Variants in DEFB123 observed in about 807,000 individuals in gnomAD.
DEFB123 encodes beta-defensin 123.
For synonymous variants in DEFB123, 22 were observed against 28.3 expected (o/e 0.78, Z 0.71); for missense variants, 71 against 75.0 (o/e 0.95, Z 0.20).
In DEFB123 at chr20:31,444,450, G is replaced by C. The variant is rs188826220; in HGVS notation, c.58+3694G>C. On this transcript the variant is annotated intron_variant, in intron 1 of 1. Transcript: ENST00000376309. ...TCACTCATTTATAGTTTTATCTCCA[G>C]TGTATAGGCCTCTCAGTCTATACAT... Among the ~76,000 whole-genome samples the C allele has an allele frequency of 3.5e-4, 53 of 152,226 alleles. 1 individual carries two copies. Among genetic ancestry groups the C allele is most frequent in the Non-Finnish European group, 5.0e-4 (34 of 68,016 alleles).
intron 1 of DEFB123, among the ~76,000 whole-genome samples, chr20:31,447,915 T>G (rs986089093): frequency 2.0e-5 from 3 of 150,162 alleles, no homozygotes; most frequent in Non-Finnish European, 4.4e-5. Context: ...GCCTACCAAG[T>G]AGCTGGGATT....
chr20:31,449,527 A>C (rs1343736640), intron 1 of DEFB123, among the ~76,000 whole-genome samples: 1 of 152,024 alleles, frequency 6.6e-6, no homozygotes, highest in East Asian at 1.9e-4. Context: ...TGTTCTGCTT[A>C]CTTCTTTTTG....
chr20:31,446,946 C>CAAA (rs61153733), intron 1 of DEFB123, among the ~76,000 whole-genome samples: 3 of 119,702 alleles, frequency 2.5e-5, no homozygotes, highest in Non-Finnish European at 3.6e-5. Flanking sequence ...GACTCCATCT[C>CAAA]AAAAAAAAAA....
At position 31,450,194 on chromosome 20, in the gene DEFB123, C is replaced by T. The variant is rs1438769253; in HGVS notation, c.*20C>T. On this transcript the variant is annotated 3_prime_UTR_variant, in exon 2 of 2. Transcript: ENST00000376309. ...TTTTAACTGCTTTGAAGCCTGAAGCCATGAAAATGCAGATGAAGCTCCCAG... is the reference window on the plus strand; with the variant it reads ...TTTTAACTGCTTTGAAGCCTGAAGCTATGAAAATGCAGATGAAGCTCCCAG... The T allele has an allele frequency of 1.3e-6, 2 of 1,588,074 alleles. No homozygotes were observed.
chr20:31,450,140 A>G lies in DEFB123; in HGVS notation c.170A>G (p.Lys57Arg), dbSNP rs937920203. 3 of 1,608,720 alleles carry G rather than the reference A, an allele frequency of 1.9e-6. No individual in the cohort carries two copies. The highest frequency in any genetic ancestry group is 1.7e-6 in the Non-Finnish European group (2 of 1,178,210). ...AATAAAATGTGCTGCGTGAAGCCCA[A>G]GTACCAGCCAAAAGAAAGGTGGTGG... Reference protein sequence around the residue: ...INNKMCCVKPKYQPKERWWPF With the variant: ...INNKMCCVKPRYQPKERWWPF Residue 57 changes from lysine (K) to arginine (R), a missense_variant, in exon 2 of 2, where the codon AAG becomes AGG. Coordinates refer to ENST00000376309, the MANE Select transcript of DEFB123 (RefSeq NM_153324.4).
chr20:31,449,976 G>T, intron 1 of DEFB123, 53 bp from the exon 2 acceptor site: 1 of 1,518,710 alleles, frequency 6.6e-7, no homozygotes, highest in South Asian at 1.3e-5. Flanking sequence ...TTTCAAATCC[G>T]GAGCCTACTT....
intron 1 of DEFB123, among the ~76,000 whole-genome samples, chr20:31,447,780 CTTTTT>C (rs34763122): frequency 1.6e-5 from 1 of 64,470 alleles, no homozygotes. Context: ...ACACACCCGG[CTTTTT>C]TTTTTTTTTT....
chr20:31,444,892 A>G (rs760861429), intron 1 of DEFB123, among the ~76,000 whole-genome samples: 7 of 152,198 alleles, frequency 4.6e-5, no homozygotes, highest in Non-Finnish European at 8.8e-5. Context: ...TGACTTTTAT[A>G]GCAATCAGTT....
Position 31,440,756 on chromosome 20 carries a change from G to A in DEFB123, c.58G>A (p.Gly20Ser), listed in dbSNP as rs780991334. ...VLLLLSQLTP[G>S]GTQRCWNLYG... is the part of the protein sequence containing the mutation. ...GCTGCTCTTATCCCAGCTGACTCCA[G>A]GTAACCTGAACCTCCTTAAGGAAGG... The change falls in exon 1 of 2, where the codon GGT (glycine) becomes AGT (serine). Residue 20 changes from glycine (G) to serine (S), a missense_variant and splice_region_variant. Coordinates refer to ENST00000376309, the MANE Select transcript of DEFB123 (RefSeq NM_153324.4). 2.5e-6 allele frequency: 4 copies of A among 1,613,280 alleles called. No individual in the cohort carries two copies. Among genetic ancestry groups the A allele is most frequent in the Non-Finnish European group, 3.4e-6 (4 of 1,180,044 alleles).
intron 1 of DEFB123, among the ~76,000 whole-genome samples, chr20:31,443,009 G>A (rs1979504485): frequency 6.6e-6 from 1 of 152,160 alleles, no homozygotes; most frequent in Non-Finnish European, 1.5e-5. Context: ...TCAAGCTGGG[G>A]AAAACAGCAA....
At chr20:31,442,419 A>T (rs1979484675) in intron 1 of DEFB123, among the ~76,000 whole-genome samples, 1 of 152,094 alleles carries the variant, frequency 6.6e-6, no homozygotes. Flanking sequence ...CTAGAGGTAG[A>T]ACTGGGAACA....
chr20:31,443,990 T>G (rs1309882056), intron 1 of DEFB123, among the ~76,000 whole-genome samples: 1 of 152,210 alleles, frequency 6.6e-6, no homozygotes, highest in Non-Finnish European at 1.5e-5. Flanking sequence ...CTGAACTTCC[T>G]TAACAAATGT....
intron 1 of DEFB123, 101 bp downstream of exon 1, chr20:31,440,857 AC>A: frequency 6.9e-7 from 1 of 1,440,164 alleles, no homozygotes; most frequent in Non-Finnish European, 9.7e-7. Flanking sequence ...GTCATCTAGC[AC>A]CACGTATAGG....
chr20:31,445,297 T>C (rs560138450), intron 1 of DEFB123, among the ~76,000 whole-genome samples: 2 of 152,348 alleles, frequency 1.3e-5, no homozygotes, highest in African/African-American at 4.8e-5. Context: ...GAATCAATGA[T>C]GCTCAAAGCC....
At chr20:31,443,282 G>A (rs1348695042) in intron 1 of DEFB123, among the ~76,000 whole-genome samples, 3 of 152,170 alleles carry the variant, frequency 2.0e-5, no homozygotes, top group African/African-American at 7.2e-5. Context: ...CACTAGGGGT[G>A]TACTCTTGGC....
At chr20:31,447,690 C>T (rs1208854083) in intron 1 of DEFB123, among the ~76,000 whole-genome samples, 1 of 150,698 alleles carries the variant, frequency 6.6e-6, no homozygotes, top group Non-Finnish European at 1.5e-5. Context: ...GACCACAGCT[C>T]ACTGCAGCCT....
chr20:31,441,797 G>A (rs1979471111), intron 1 of DEFB123, among the ~76,000 whole-genome samples: 1 of 152,166 alleles, frequency 6.6e-6, no homozygotes, highest in South Asian at 2.1e-4. Flanking sequence ...ACCTGGAGTA[G>A]GGAGGAAAGC....
intron 1 of DEFB123, among the ~76,000 whole-genome samples, chr20:31,446,198 G>T (rs1979581606): frequency 6.6e-6 from 1 of 152,174 alleles, no homozygotes; most frequent in Non-Finnish European, 1.5e-5. Context: ...GACAGAAAAG[G>T]GCAGATTCCA....
chr20:31,450,165 G>A lies in DEFB123; in HGVS notation c.195G>A (p.Trp65Ter), dbSNP rs370221597. 6.9e-6 allele frequency: 11 copies of A among 1,603,618 alleles called. No individual in the cohort carries two copies. In the Admixed American group the frequency reaches 1.0e-4, roughly 15 times the overall value. ...AGTACCAGCCAAAAGAAAGGTGGTG[G>A]CCATTTTAACTGCTTTGAAGCCTGA... Reference protein sequence around the residue: ...KPKYQPKERWWPF With the variant: ...KPKYQPKERW Residue 65 changes from tryptophan to a stop codon, truncating the protein, a stop_gained, in exon 2 of 2, where the codon TGG becomes TGA. Transcript: ENST00000376309. LOFTEE classifies it high-confidence loss of function.
Sources: allele counts gnomAD v4.1 joint callset (sites outside exome capture counted in the v4.1 genomes callset), GRCh38; gene constraint gnomAD v4.1.1; transcripts MANE v1.5; gene names NCBI Gene and HGNC (gene_info 2026-07-23, HGNC 2026-07-21).